LIMCH1: variants seen among roughly 807,000 people sequenced by gnomAD.
LIMCH1 encodes the protein LIM and calponin homology domains 1.
A neutral mutation model predicts 176.5 loss-of-function variants in LIMCH1; 113 were observed. The ratio of observed to expected loss-of-function variants is 0.64; its 90% CI spans 0.55 to 0.75. The LOEUF (loss-of-function observed/expected upper bound fraction) is 0.75, where lower values mean the gene tolerates loss of function less well. Among genes scored for constraint, LIMCH1 ranks in the 30% least tolerant of loss-of-function variants. The probability of loss-of-function intolerance (pLI) is 0.00; values close to 1 mark genes in which losing one functional copy is unlikely to be tolerated. For synonymous variants in LIMCH1, 619 were observed against 645.9 expected (o/e 0.96, Z 0.63); for missense variants, 1,674 against 1,814.9 (o/e 0.92, Z 1.41).
upstream of LIMCH1, among the ~76,000 whole-genome samples, chr4:41,537,504 C>G (rs1352335374): frequency 6.6e-6 from 1 of 152,182 alleles, no homozygotes; most frequent in East Asian, 1.9e-4. Flanking sequence ...TGCAGAAATT[C>G]CATTCTCAGA....
intron 1 of LIMCH1, among the ~76,000 whole-genome samples, chr4:41,447,568 G>C (rs146134007): frequency 6.6e-6 from 1 of 152,140 alleles, no homozygotes; most frequent in African/African-American, 2.4e-5. Context: ...TCTGTTTTTC[G>C]TAATACAGAA....
chr4:41,683,122 G>A (rs1717662724), intron 26 of LIMCH1, among the ~76,000 whole-genome samples: 1 of 152,138 alleles, frequency 6.6e-6, no homozygotes, highest in South Asian at 2.1e-4. Context: ...ATTGAAATGA[G>A]AACCTGGGGT....
intron 1 of LIMCH1, among the ~76,000 whole-genome samples, chr4:41,371,621 G>A (rs2053976097): frequency 7.1e-6 from 1 of 140,354 alleles, no homozygotes; most frequent in Non-Finnish European, 1.5e-5. Context: ...TTTAGTCTTT[G>A]TGTAACACAG....
At position 41,687,924 on chromosome 4, in the gene LIMCH1, G is replaced by A. The variant is rs1467227680; in HGVS notation, c.4166+7G>A. 4 of 1,610,732 alleles carry A rather than the reference G, an allele frequency of 2.5e-6. No homozygotes were observed. The highest frequency in any genetic ancestry group is 4.5e-5 in the East Asian group (2 of 44,828). Reference sequence around the variant, plus strand: ...CCGGTCAGTCACCAAACAGGTACAAGAGGTCAGCAGGCCTTTCTGAGGCTG... The same window carrying A: ...CCGGTCAGTCACCAAACAGGTACAAAAGGTCAGCAGGCCTTTCTGAGGCTG... On this transcript the variant is annotated splice_region_variant and intron_variant, in intron 29 of 31. Coordinates refer to ENST00000503057, the MANE Select transcript of LIMCH1 (RefSeq NM_001330672.2).
intron 2 of LIMCH1, among the ~76,000 whole-genome samples, chr4:41,602,124 CAAAAAAAAAAAAAAAA>C (rs540240960): frequency 2.7e-5 from 2 of 73,306 alleles, no homozygotes; most frequent in Non-Finnish European, 7.6e-5. Flanking sequence ...TTGAGTAGAC[CAAAAAAAAAAAAAAAA>C]AAAAAAAAAA....
chr4:41,486,961 C>T (rs538900114), intron 1 of LIMCH1, among the ~76,000 whole-genome samples: 10 of 117,740 alleles, frequency 8.5e-5, no homozygotes, highest in South Asian at 5.1e-4. Flanking sequence ...TATATATATA[C>T]ACACACACAC....
Position 41,638,940 on chromosome 4 carries a change from C to T in LIMCH1, c.2099C>T (p.Pro700Leu), listed in dbSNP as rs745397406. 28 of 1,600,224 alleles carry T rather than the reference C, an allele frequency of 1.7e-5. No homozygotes were observed. The East Asian group carries it at 2.2e-4, about 13-fold the overall frequency. Reference sequence around the variant, plus strand: ...TTTATTTGATCTTATAGATACGGTCCGAGAACTCCTGTGTCTGATGACGCA... The same window carrying T: ...TTTATTTGATCTTATAGATACGGTCTGAGAACTCCTGTGTCTGATGACGCA... ...GLPMKDQRYG[P>L]RTPVSDDAES... The change falls in exon 14 of 32, where the codon CCG becomes CTG. Residue 700 changes from proline to leucine, a missense_variant. Pro to Leu is a moderately conservative substitution (Grantham distance 98). Transcript: ENST00000503057.
chr4:41,607,866 T>C (rs1242386570), intron 4 of LIMCH1, among the ~76,000 whole-genome samples: 1 of 152,222 alleles, frequency 6.6e-6, no homozygotes. Context: ...GCCATGATAC[T>C]GCCATATCTC....
At chr4:41,693,493 C>T (rs1337694791) in intron 31 of LIMCH1, 2 of 151,188 alleles carry the variant, frequency 1.3e-5, no homozygotes, top group African/African-American at 4.9e-5. Flanking sequence ...AACTTAGAGC[C>T]GCTGCTATCA....
intron 1 of LIMCH1, among the ~76,000 whole-genome samples, chr4:41,473,822 T>C (rs1229842478): frequency 2.0e-5 from 3 of 152,214 alleles, no homozygotes; most frequent in Non-Finnish European, 1.5e-5. Flanking sequence ...AAGGGGCCAA[T>C]GTCCAAAATA....
intron 1 of LIMCH1, among the ~76,000 whole-genome samples, chr4:41,441,535 T>G (rs1258793509): frequency 6.6e-6 from 1 of 152,130 alleles, no homozygotes; most frequent in Non-Finnish European, 1.5e-5. Context: ...CATTAAATAT[T>G]TGGAATTTTT....
At position 41,629,477 on chromosome 4, in the gene LIMCH1, G is replaced by A. The variant is rs760728635; in HGVS notation, c.1029-15G>A. On this transcript the variant is annotated splice_polypyrimidine_tract_variant and intron_variant, in intron 8 of 31. Coordinates refer to ENST00000503057, the MANE Select transcript of LIMCH1 (RefSeq NM_001330672.2). ...GATTTTTCCATTGGTGTGGGGGCCC[G>A]GATCAAATGGACAGAAACCAGGGCC... is the stretch of plus-strand genomic sequence containing the variant. 33 of 1,535,306 alleles carry A rather than the reference G, an allele frequency of 2.1e-5. No homozygotes were observed. The highest frequency in any genetic ancestry group is 7.1e-5 in the South Asian group (6 of 83,928).
intron 1 of LIMCH1, among the ~76,000 whole-genome samples, chr4:41,458,698 TG>T (rs367768682): frequency 4.0e-4 from 55 of 135,860 alleles, no homozygotes; most frequent in African/African-American, 1.4e-3. Flanking sequence ...GGCGTGAACC[TG>T]GGGGGCGGAG....
chr4:41,441,076 G>C (rs1167476003), intron 1 of LIMCH1, among the ~76,000 whole-genome samples: 1 of 152,108 alleles, frequency 6.6e-6, no homozygotes, highest in Admixed American at 6.5e-5. Context: ...AGGTATGAAT[G>C]ACATGAACCC....
intron 1 of LIMCH1, among the ~76,000 whole-genome samples, chr4:41,377,410 A>C (rs760410295): frequency 4.6e-5 from 7 of 152,180 alleles, no homozygotes; most frequent in African/African-American, 1.7e-4. Flanking sequence ...GGCCAAGTCC[A>C]AAGTCAGTGG....
intron 1 of LIMCH1, among the ~76,000 whole-genome samples, chr4:41,413,003 G>A (rs917753733): frequency 2.9e-4 from 44 of 152,148 alleles, no homozygotes; most frequent in African/African-American, 1.0e-3. Flanking sequence ...AGGACTTTTT[G>A]AGGATAAGCT....
At chr4:41,555,937 G>GTT (rs1561736992) in intron 1 of LIMCH1, among the ~76,000 whole-genome samples, 3 of 152,136 alleles carry the variant, frequency 2.0e-5, no homozygotes, top group Middle Eastern at 3.4e-3. Context: ...TAGAGACAGG[G>GTT]TTTCACTGTA....
chr4:41,421,129 A>G (rs1175825796), intron 1 of LIMCH1, among the ~76,000 whole-genome samples: 1 of 152,192 alleles, frequency 6.6e-6, no homozygotes, highest in East Asian at 1.9e-4. Context: ...CTAGACTTCC[A>G]CGGGGTTGGA....
chr4:41,680,215 A>G (rs556711535), intron 24 of LIMCH1, 117 bp downstream of exon 24: 2 of 690,076 alleles, frequency 2.9e-6, no homozygotes, highest in South Asian at 1.8e-5. Flanking sequence ...CTTTACTGAC[A>G]GCAGAATCCC....
Sources: gnomAD v4.1 joint callset for allele counts (sites outside exome capture counted in the v4.1 genomes callset) on GRCh38, gnomAD v4.1.1 for gene constraint, MANE v1.5 for transcripts, NCBI Gene and HGNC (gene_info 2026-07-23, HGNC 2026-07-21) for gene names.